ZEB2: variants seen among roughly 807,000 people sequenced by gnomAD.
ZEB2 encodes zinc finger E-box binding homeobox 2.
Under a neutral mutation model 99.9 loss-of-function variants are expected in ZEB2, and 6 were observed. The observed-to-expected ratio is 0.06, with a 90% confidence interval of 0.03 to 0.12. The LOEUF (loss-of-function observed/expected upper bound fraction) is 0.12, where lower values mean the gene tolerates loss of function less well. ZEB2 is among the 10% of genes least tolerant of loss of function. ZEB2 has a pLI of 1.00. For missense variants in ZEB2, 969 were observed against 1,502.8 expected (o/e 0.64, Z 5.87); for synonymous variants, 517 against 542.5 (o/e 0.95, Z 0.65).
chr2:144,517,497 G>C (rs1407853317), intron 1 of ZEB2, 78 bp from the exon 2 acceptor site: 4 of 971,986 alleles, frequency 4.1e-6, no homozygotes, highest in Admixed American at 2.0e-5. Flanking sequence ...GGGGAGCCGG[G>C]CCAGGGCCCC....
chr2:144,474,593 T>C (rs987394346), intron 2 of ZEB2, among the ~76,000 whole-genome samples: 13 of 152,188 alleles, frequency 8.5e-5, no homozygotes, highest in African/African-American at 2.4e-4. Flanking sequence ...TCATTGATTA[T>C]AACTTAATTC....
At chr2:144,475,221 T>C (rs1040531459) in intron 2 of ZEB2, among the ~76,000 whole-genome samples, 1 of 152,182 alleles carries the variant, frequency 6.6e-6, no homozygotes, top group African/African-American at 2.4e-5. Context: ...CACATAGGCC[T>C]GAAACTGTTA....
rs200510665 is a variant in ZEB2, at chr2:144,400,116, A to C, written c.1071T>G (p.Val357=). 42 of 1,613,840 alleles carry C rather than the reference A, an allele frequency of 2.6e-5. 1 individual carries two copies. The highest frequency in any genetic ancestry group is 5.0e-5 in the Admixed American group (3 of 59,988). The part of the protein sequence containing the change: ...NIKTGSSPNS[V]SSSPTNSAIT... The stretch of plus-strand genomic sequence containing the variant: ...TGGCTGAATTAGTAGGAGAAGAAGA[A>C]ACAGAATTAGGGGAAGAACCCGTCT... The change falls in exon 8 of 10, where the codon GTT becomes GTG. Residue 357 remains valine (V), a synonymous_variant. Coordinates refer to ENST00000627532, the MANE Select transcript of ZEB2 (RefSeq NM_014795.4).
chr2:144,452,464 CA>C (rs1228142073), intron 2 of ZEB2, among the ~76,000 whole-genome samples: 23 of 152,184 alleles, frequency 1.5e-4, no homozygotes, highest in African/African-American at 5.5e-4. Flanking sequence ...AATACAGCAT[CA>C]CCACAAAAGG....
rs139279827 is a variant in ZEB2, at chr2:144,454,826, C to G, written c.74-24800G>C. On this transcript the variant is annotated intron_variant, in intron 2 of 9. Transcript: ENST00000627532. ...GGAGAGAATCCATGAAATGATCCCTCGTTCCTGTAAATGTACACACATGGG... is the reference window on the plus strand; with the variant it reads ...GGAGAGAATCCATGAAATGATCCCTGGTTCCTGTAAATGTACACACATGGG... 8.8e-3 allele frequency among the ~76,000 whole-genome samples: 1,334 copies of G among 152,200 alleles called. 17 individuals carry two copies. The highest frequency in any genetic ancestry group is 0.027 in the Middle Eastern group (8 of 294).
chr2:144,467,677 C>T (rs1180516783), intron 2 of ZEB2, among the ~76,000 whole-genome samples: 1 of 152,144 alleles, frequency 6.6e-6, no homozygotes, highest in East Asian at 1.9e-4. Context: ...ATGAAGCATA[C>T]AGTATCTACC....
At chr2:144,450,943 G>T (rs1490244547) in intron 2 of ZEB2, among the ~76,000 whole-genome samples, 1 of 152,170 alleles carries the variant, frequency 6.6e-6, no homozygotes, top group Admixed American at 6.5e-5. Flanking sequence ...CTCCCAAAGC[G>T]CTGGGATTAC....
At chr2:144,493,187 T>G (rs1214773262) in intron 2 of ZEB2, among the ~76,000 whole-genome samples, 1 of 152,052 alleles carries the variant, frequency 6.6e-6, no homozygotes, top group Non-Finnish European at 1.5e-5. Flanking sequence ...TATCTCAGGC[T>G]ACGGTTATTG....
chr2:144,519,073 A>ATC (rs758040947), intron 1 of ZEB2, among the ~76,000 whole-genome samples: 3 of 152,162 alleles, frequency 2.0e-5, no homozygotes, highest in East Asian at 3.8e-4. Context: ...AACTCCTGCT[A>ATC]TCTCTCTCTC....
chr2:144,448,188 GA>G (rs1284454444), intron 2 of ZEB2, among the ~76,000 whole-genome samples: 3 of 152,170 alleles, frequency 2.0e-5, no homozygotes, highest in Non-Finnish European at 4.4e-5. Flanking sequence ...ACAGTGGTAA[GA>G]TTTTATTTTT....
intron 2 of ZEB2, chr2:144,450,499 A>C (rs151237272): frequency 6.6e-6 from 1 of 152,174 alleles, no homozygotes; most frequent in Non-Finnish European, 1.5e-5. Flanking sequence ...AGAATAATGC[A>C]AGAAAGTAAC....
chr2:144,395,336 G>A (rs931060434), intron 9 of ZEB2, among the ~76,000 whole-genome samples: 3 of 151,716 alleles, frequency 2.0e-5, no homozygotes, highest in Admixed American at 2.0e-4. Context: ...TTTCTTTTGT[G>A]CCTCATCATC....
At chr2:144,410,532 C>T (rs569162371) in intron 4 of ZEB2, among the ~76,000 whole-genome samples, 31 of 152,182 alleles carry the variant, frequency 2.0e-4, no homozygotes, top group African/African-American at 7.0e-4. Flanking sequence ...ATTAGTCAGC[C>T]CCCATAATCA....
chr2:144,495,320 A>T (rs1171881916), intron 2 of ZEB2: 2 of 152,228 alleles, frequency 1.3e-5, no homozygotes, highest in Non-Finnish European at 2.9e-5. Context: ...TCACTGCAGC[A>T]CTTGACACTC....
At chr2:144,453,509 A>AT (rs1704081559) in intron 2 of ZEB2, among the ~76,000 whole-genome samples, 1 of 152,220 alleles carries the variant, frequency 6.6e-6, no homozygotes, top group Non-Finnish European at 1.5e-5. Flanking sequence ...AAAAGAAATC[A>AT]TTTTTATGCA....
intron 4 of ZEB2, among the ~76,000 whole-genome samples, chr2:144,415,004 CTTTTTTTTTTTT>C (rs1703521209): frequency 7.1e-6 from 1 of 140,382 alleles, no homozygotes; most frequent in Admixed American, 7.0e-5. Flanking sequence ...TACTTTTTTT[CTTTTTTTTTTTT>C]AAATGTCCCC....
At chr2:144,423,649 T>C (rs1181561247) in intron 4 of ZEB2, among the ~76,000 whole-genome samples, 2 of 152,310 alleles carry the variant, frequency 1.3e-5, no homozygotes, top group African/African-American at 2.4e-5. Flanking sequence ...GAATCATCTA[T>C]TGTACAGCTT....
intron 2 of ZEB2, among the ~76,000 whole-genome samples, chr2:144,487,476 GA>G (rs149786757): frequency 1.3e-5 from 2 of 150,900 alleles, no homozygotes; most frequent in Non-Finnish European, 3.0e-5. Flanking sequence ...CAAAAAAGGA[GA>G]AAAAAAGAAG....
intron 2 of ZEB2, among the ~76,000 whole-genome samples, chr2:144,453,010 T>G (rs978681820): frequency 2.0e-5 from 3 of 152,196 alleles, no homozygotes; most frequent in African/African-American, 4.8e-5. Flanking sequence ...TATATCCTTG[T>G]AAGTCTATCA....
Sources: gnomAD v4.1 joint callset for allele counts (sites outside exome capture counted in the v4.1 genomes callset) on GRCh38, gnomAD v4.1.1 for gene constraint, MANE v1.5 for transcripts, NCBI Gene and HGNC (gene_info 2026-07-23, HGNC 2026-07-21) for gene names.